The following SLC6A11 variants were observed in gnomAD, a reference collection of about 807,000 sequenced individuals.
SLC6A11 encodes sodium- and chloride-dependent GABA transporter 3.
In SLC6A11, 25 loss-of-function variants were observed where a neutral mutation model predicts 74.8. That is an observed-to-expected ratio of 0.33 (90% CI 0.24 to 0.47). SLC6A11 has a LOEUF of 0.47. SLC6A11 is among the 20% of genes least tolerant of loss of function. SLC6A11 has a pLI of 1.00. For synonymous variants in SLC6A11, 330 were observed against 330.2 expected (o/e 1.00, Z 0.01); for missense variants, 574 against 837.0 (o/e 0.69, Z 3.88).
At chr3:10,881,739 G>A (rs1337164079) in intron 6 of SLC6A11, among the ~76,000 whole-genome samples, 35 of 152,152 alleles carry the variant, frequency 2.3e-4, no homozygotes, top group Admixed American at 2.0e-3. Context: ...AGGAGAGTCC[G>A]TTGGCACCTT....
intron 6 of SLC6A11, among the ~76,000 whole-genome samples, chr3:10,876,376 A>G (rs970182570): frequency 2.0e-5 from 3 of 152,192 alleles, no homozygotes; most frequent in African/African-American, 7.2e-5. Context: ...GGCTCAGTTG[A>G]AGGAGCAGTT....
Position 10,819,826 on chromosome 3 carries a change from C to A in SLC6A11, c.506C>A (p.Ala169Asp). The change falls in exon 3 of 14, where the codon GCT (alanine) becomes GAT (aspartate). Residue 169 changes from alanine to aspartate, a missense_variant. This residue lies in a region of SLC6A11 where 215 missense variants were observed against 357.9 expected (regional missense o/e 0.60). Coordinates refer to ENST00000254488, the MANE Select transcript of SLC6A11 (RefSeq NM_014229.3). ...SNCFTTELPW[A>D]TCGHEWNTEN... ...TGCTTCACTACTGAGCTACCCTGGG[C>A]TACCTGTGGGCATGAGTGGAACACA... is the stretch of plus-strand genomic sequence containing the variant. 1 of 1,614,198 alleles carries A rather than the reference C, an allele frequency of 6.2e-7. No individual in the cohort carries two copies. Among genetic ancestry groups the A allele is most frequent in the Non-Finnish European group, 8.5e-7 (1 of 1,180,018 alleles).
chr3:10,891,402 T>C (rs1695106107), intron 6 of SLC6A11, among the ~76,000 whole-genome samples: 1 of 152,366 alleles, frequency 6.6e-6, no homozygotes, highest in African/African-American at 2.4e-5. Context: ...CAATTAATAT[T>C]AAGGGAGATA....
At chr3:10,821,688 A>G (rs1476748451) in intron 3 of SLC6A11, among the ~76,000 whole-genome samples, 1 of 152,238 alleles carries the variant, frequency 6.6e-6, no homozygotes, top group East Asian at 1.9e-4. Flanking sequence ...TATAAATTTA[A>G]TTTGACGTTT....
chr3:10,887,238 T>C (rs1187656912), intron 6 of SLC6A11, among the ~76,000 whole-genome samples: 2 of 151,456 alleles, frequency 1.3e-5, no homozygotes, highest in Non-Finnish European at 2.9e-5. Flanking sequence ...GATAGATAGA[T>C]GCATGGATGG....
rs1695807145 is a variant in SLC6A11, at chr3:10,940,080, C to G, written c.*1678C>G. 1 of 152,380 alleles carries G rather than the reference C, an allele frequency of 6.6e-6. No individual in the cohort carries two copies. Among genetic ancestry groups the G allele is most frequent in the African/African-American group, 2.4e-5 (1 of 41,472 alleles). The allele number at this position is 152,380 out of a possible 1,614,324, so 9.4% of individuals were successfully genotyped here. A position where few individuals can be genotyped will look rare whatever the true frequency, so the allele number is the denominator to read the frequency against. On this transcript the variant is annotated 3_prime_UTR_variant, in exon 14 of 14. Coordinates refer to ENST00000254488, the MANE Select transcript of SLC6A11 (RefSeq NM_014229.3). ...CATCTCTGCTCTGGCCAGCCCTGAT[C>G]TGAAGCCTGTGTCTACTAAGAGGGA... is the stretch of plus-strand genomic sequence containing the variant.
At chr3:10,902,887 T>C (rs1370683217) in intron 6 of SLC6A11, among the ~76,000 whole-genome samples, 1 of 152,240 alleles carries the variant, frequency 6.6e-6, no homozygotes, top group Non-Finnish European at 1.5e-5. Flanking sequence ...AATGGACAAG[T>C]GACTTCCTCT....
At chr3:10,821,678 T>C (rs1194151640) in intron 3 of SLC6A11, among the ~76,000 whole-genome samples, 4 of 152,250 alleles carry the variant, frequency 2.6e-5, no homozygotes, top group Non-Finnish European at 5.9e-5. Context: ...GTATTTAATT[T>C]ATAAATTTAA....
At chr3:10,899,963 G>C (rs1448507432) in intron 6 of SLC6A11, among the ~76,000 whole-genome samples, 1 of 152,334 alleles carries the variant, frequency 6.6e-6, no homozygotes, top group East Asian at 1.9e-4. Flanking sequence ...GCAGGTTTCT[G>C]CTCGCTCACT....
chr3:10,934,188 A>G lies in SLC6A11; in HGVS notation c.1575+22A>G, dbSNP rs758177894. ...CGCGGTAAGGGCCCCACCAGGAGCC[A>G]CCTCCAGCCATCTACCCACCCATCT... On this transcript the variant is annotated intron_variant, in intron 12 of 13. Transcript: ENST00000254488. The G allele has an allele frequency of 2.0e-6, 3 of 1,515,204 alleles. No homozygotes were observed. The South Asian group carries it at 3.4e-5, about 17-fold the overall frequency. 93.9% of individuals were successfully genotyped at this position (1,515,204 alleles called of 1,614,324 possible). A position where few individuals can be genotyped will look rare whatever the true frequency, so the allele number is the denominator to read the frequency against.
chr3:10,875,963 G>T (rs1300589976), intron 6 of SLC6A11, among the ~76,000 whole-genome samples: 1 of 152,240 alleles, frequency 6.6e-6, no homozygotes, highest in Non-Finnish European at 1.5e-5. Flanking sequence ...TCATTCTAGT[G>T]TGTGAAATAA....
intron 1 of SLC6A11, among the ~76,000 whole-genome samples, chr3:10,817,178 T>G (rs978119081): frequency 4.6e-5 from 7 of 152,238 alleles, no homozygotes; most frequent in Admixed American, 2.0e-4. Flanking sequence ...CGTCTGCTCT[T>G]AAGCCCATTT....
chr3:10,817,741 A>G (rs1694081957), intron 1 of SLC6A11, among the ~76,000 whole-genome samples: 1 of 152,150 alleles, frequency 6.6e-6, no homozygotes, highest in Non-Finnish European at 1.5e-5. Context: ...GGGGACATTC[A>G]TCCTGAAGGC....
chr3:10,869,490 C>G (rs1173882074), intron 5 of SLC6A11, among the ~76,000 whole-genome samples: 2 of 152,250 alleles, frequency 1.3e-5, no homozygotes, highest in Non-Finnish European at 2.9e-5. Flanking sequence ...CAGACACACA[C>G]AGGACAAACG....
chr3:10,887,767 C>A (rs1238361293), intron 6 of SLC6A11, among the ~76,000 whole-genome samples: 2 of 152,146 alleles, frequency 1.3e-5, no homozygotes, highest in Non-Finnish European at 2.9e-5. Flanking sequence ...TTGATTTGAT[C>A]TCTGCAGGAT....
intron 11 of SLC6A11, 84 bp from the exon 12 acceptor site, chr3:10,933,982 A>G: frequency 1.1e-6 from 1 of 879,834 alleles, no homozygotes; most frequent in Non-Finnish European, 1.9e-6. Context: ...GGCTGGAGAA[A>G]GCAAACACTC....
intron 5 of SLC6A11, among the ~76,000 whole-genome samples, chr3:10,858,079 G>C (rs925339375): frequency 1.3e-5 from 2 of 152,230 alleles, no homozygotes; most frequent in East Asian, 3.9e-4. Context: ...TGTTATTATA[G>C]AATCACCACG....
chr3:10,849,132 G>T (rs1353042320), intron 5 of SLC6A11, among the ~76,000 whole-genome samples: 1 of 152,094 alleles, frequency 6.6e-6, no homozygotes, highest in Non-Finnish European at 1.5e-5. Context: ...CCTCACTCTA[G>T]ACACTATTGG....
Position 10,819,999 on chromosome 3 carries a change from C to G in SLC6A11, c.532+147C>G, listed in dbSNP as rs1229900090. On this transcript the variant is annotated intron_variant, in intron 3 of 13. Transcript: ENST00000254488. ...AGTCTTGCTGAAACTGGGGTCAGCT[C>G]TGCACCTGTTCTGGTACGTTCTGTG... 3 of 794,668 alleles carry G rather than the reference C, an allele frequency of 3.8e-6. No individual in the cohort carries two copies. The African/African-American group carries it at 5.2e-5, about 14-fold the overall frequency. The allele number at this position is 794,668 out of a possible 1,614,324, so 49.2% of individuals were successfully genotyped here.
Sources: gnomAD v4.1 joint callset for allele counts (sites outside exome capture counted in the v4.1 genomes callset) on GRCh38, gnomAD v4.1.1 for gene constraint, gnomAD v4.1.1 regional missense constraint, MANE v1.5 for transcripts, NCBI Gene and HGNC (gene_info 2026-07-23, HGNC 2026-07-21) for gene names.